TENM1: variants seen among roughly 807,000 people sequenced by gnomAD.
TENM1 encodes teneurin transmembrane protein 1, also known as teneurin-1.
TENM1 carries 35 observed loss-of-function variants against 174.8 expected under a neutral mutation model. That is an observed-to-expected ratio of 0.20 (90% CI 0.15 to 0.27). The LOEUF is 0.27. Among genes scored for constraint, TENM1 ranks in the 10% least tolerant of loss-of-function variants. TENM1 has a pLI of 1.00. For synonymous variants in TENM1, 781 were observed against 798.7 expected (o/e 0.98, Z 0.37); for missense variants, 1,633 against 2,130.1 (o/e 0.77, Z 4.59).
At chrX:124,668,495 T>G (rs1488425704) in intron 6 of TENM1, among the ~76,000 whole-genome samples, 7 of 112,209 alleles carry the variant, frequency 6.2e-5, no homozygotes, top group Admixed American at 4.7e-4. Context: ...GTGGCACATA[T>G]ACACCATGAA....
At chrX:124,921,137 T>C (rs1265541639) in intron 1 of TENM1, among the ~76,000 whole-genome samples, 2 of 110,208 alleles carry the variant, frequency 1.8e-5, no homozygotes, top group South Asian at 3.9e-4. Flanking sequence ...TCAAGAGCTA[T>C]TGCTGCTTAT....
intron 1 of TENM1, among the ~76,000 whole-genome samples, chrX:124,929,568 G>A (rs2058139238): frequency 1.8e-5 from 2 of 111,889 alleles, no homozygotes; most frequent in Admixed American, 1.9e-4. Context: ...TCACCTGCAG[G>A]AAAGGGACCT....
chrX:124,534,956 T>C (rs1193625138), intron 15 of TENM1, among the ~76,000 whole-genome samples: 1 of 112,068 alleles, frequency 8.9e-6, no homozygotes, highest in African/African-American at 3.2e-5. Context: ...TATCTCTGAA[T>C]AGTTAGGACA....
intron 6 of TENM1, among the ~76,000 whole-genome samples, chrX:124,656,238 T>G (rs1442102506): frequency 8.9e-6 from 1 of 112,361 alleles, no homozygotes; most frequent in East Asian, 2.8e-4. Flanking sequence ...CCTTACCAAA[T>G]ACTACACCAT....
Position 124,386,075 on chromosome X carries a change from A to G in TENM1, c.5689-11T>C, listed in dbSNP as rs752565446. On this transcript the variant is annotated splice_polypyrimidine_tract_variant and intron_variant, in intron 28 of 31. Coordinates refer to ENST00000422452, the Ensembl canonical transcript of TENM1. Reference sequence around the variant, plus strand: ...GAGAAGCATCACAGACTGAAACGAGACAAAGGCAGAATAGCATATTATGGA... The same window carrying G: ...GAGAAGCATCACAGACTGAAACGAGGCAAAGGCAGAATAGCATATTATGGA... The G allele has an allele frequency of 2.5e-6, 3 of 1,179,090 alleles. No homozygotes were observed. In the South Asian group the frequency reaches 5.6e-5, roughly 22 times the overall value.
At chrX:125,131,521 C>T in the TENM1 span, among the ~76,000 whole-genome samples, 1 of 111,933 alleles carries the variant, frequency 8.9e-6, no homozygotes, top group South Asian at 3.7e-4. Context: ...CACTTCAGTA[C>T]TTATGAAGGT....
chrX:124,743,585 C>T (rs1279782092), intron 3 of TENM1, among the ~76,000 whole-genome samples: 1 of 111,894 alleles, frequency 8.9e-6, no homozygotes, highest in East Asian at 2.8e-4. Flanking sequence ...TGGGCTCAAC[C>T]TGGTTCTGGA....
At chrX:125,155,987 G>A in the TENM1 span, among the ~76,000 whole-genome samples, 3 of 112,858 alleles carry the variant, frequency 2.7e-5, no homozygotes, top group Non-Finnish European at 3.8e-5. Context: ...GAGAGCGAGC[G>A]AGGGCTGTGA....
chrX:124,572,261 AG>A (rs2049071727), intron 11 of TENM1, among the ~76,000 whole-genome samples: 1 of 112,398 alleles, frequency 8.9e-6, no homozygotes, highest in African/African-American at 3.2e-5. Flanking sequence ...GTTTAACTTT[AG>A]AAAAATCTAT....
In TENM1 at chrX:124,586,327, A is replaced by G. The variant is rs747209249; in HGVS notation, c.2078-20767T>C. Among the ~76,000 whole-genome samples, 745 of 108,127 alleles carry G rather than the reference A, an allele frequency of 6.9e-3. 13 individuals are homozygous for G. Among genetic ancestry groups the G allele is most frequent in the African/African-American group, 0.024 (694 of 28,974 alleles). The allele number at this position is 108,127 out of a possible 115,157, so 93.9% of individuals were successfully genotyped here. On this transcript the variant is annotated intron_variant, in intron 11 of 31. Coordinates refer to ENST00000422452, the Ensembl canonical transcript of TENM1. Reference sequence around the variant, plus strand: ...AACCGAATCCAGCAGCACATCAAAAAGCTTATCCACCATGATCAAGTGGGC... The same window carrying G: ...AACCGAATCCAGCAGCACATCAAAAGGCTTATCCACCATGATCAAGTGGGC...
chrX:124,994,032 T>C, the TENM1 span, among the ~76,000 whole-genome samples: 1 of 110,401 alleles, frequency 9.1e-6, no homozygotes, highest in African/African-American at 3.3e-5. Context: ...TGATTTGCTT[T>C]ACTCAGCTTT....
chrX:124,708,316 T>C (rs1195310651), intron 4 of TENM1, among the ~76,000 whole-genome samples: 2 of 111,626 alleles, frequency 1.8e-5, no homozygotes, highest in Non-Finnish European at 3.8e-5. Context: ...TTCAGTATCA[T>C]GAGGTTAAAA....
chrX:124,439,379 A>AACTCAT (rs1318526728), intron 23 of TENM1, among the ~76,000 whole-genome samples: 2 of 112,293 alleles, frequency 1.8e-5, no homozygotes, highest in Non-Finnish European at 3.8e-5. Flanking sequence ...AGATGTATAA[A>AACTCAT]ACTCATACTA....
At position 124,755,425 on chromosome X, in the gene TENM1, G is replaced by A. The variant is rs372275800; in HGVS notation, c.536-18228C>T. On this transcript the variant is annotated intron_variant, in intron 3 of 31. Transcript: ENST00000422452. ...TTTCCTGAATACAGCACACTGATGG[G>A]TCTTGACTCTTTATCCAATTTGCCA... Among the ~76,000 whole-genome samples the A allele has an allele frequency of 4.5e-5, 5 of 111,042 alleles. No individual in the cohort carries two copies. The South Asian group carries it at 1.6e-3, about 35-fold the overall frequency.
At chrX:124,646,573 G>C in intron 9 of TENM1, 136 bp downstream of exon 12, 1 of 442,752 alleles carries the variant, frequency 2.3e-6, no homozygotes, top group East Asian at 3.9e-5. Flanking sequence ...TCAGCTTTTG[G>C]CAGCAGCCAT....
At chrX:124,594,902 A>T (rs2049853540) in intron 11 of TENM1, among the ~76,000 whole-genome samples, 1 of 112,140 alleles carries the variant, frequency 8.9e-6, no homozygotes, top group Non-Finnish European at 1.9e-5. Flanking sequence ...AGGATAGTTA[A>T]TTCTTTTTGA....
chrX:124,470,946 C>G (rs1037604128), intron 22 of TENM1, among the ~76,000 whole-genome samples: 2 of 107,139 alleles, frequency 1.9e-5, no homozygotes, highest in African/African-American at 3.4e-5. Flanking sequence ...TATTTCATAA[C>G]TAGACATCAA....
chrX:125,201,522 GT>G, the TENM1 span, among the ~76,000 whole-genome samples: 954 of 111,712 alleles, frequency 8.5e-3, 9 homozygotes, highest in African/African-American at 0.028. Context: ...TATTTGTGGG[GT>G]TTTTTTCTGC....
chrX:124,512,784 A>G (rs1359548361), intron 18 of TENM1, among the ~76,000 whole-genome samples: 1 of 111,661 alleles, frequency 9.0e-6, no homozygotes, highest in Non-Finnish European at 1.9e-5. Context: ...GATTATACCA[A>G]TTCCCTACAG....
Sources: gnomAD v4.1 joint callset for allele counts (sites outside exome capture counted in the v4.1 genomes callset) on GRCh38, gnomAD v4.1.1 for gene constraint, MANE v1.5 for transcripts, NCBI Gene and HGNC (gene_info 2026-07-23, HGNC 2026-07-21) for gene names.